BBX: variants seen among roughly 807,000 people sequenced by gnomAD.
BBX encodes the protein HMG box transcription factor BBX.
A neutral mutation model predicts 100.2 loss-of-function variants in BBX; 30 were observed. The ratio of observed to expected loss-of-function variants is 0.30; its 90% CI spans 0.22 to 0.41. BBX has a LOEUF of 0.41. Ranked by LOEUF, BBX falls within the 10% of genes least tolerant of loss-of-function variation. BBX has a pLI of 1.00. For synonymous variants in BBX, 376 were observed against 388.1 expected, an observed-to-expected ratio of 0.97 and a Z score of 0.37; for missense variants, 1,023 against 1,129.8, an observed-to-expected ratio of 0.91 and a Z score of 1.35.
At chr3:107,570,146 C>T (rs533192377) in intron 2 of BBX, among the ~76,000 whole-genome samples, 9 of 152,266 alleles carry the variant, frequency 5.9e-5, no homozygotes, top group African/African-American at 1.9e-4. Flanking sequence ...CTGGCTGCTG[C>T]GGTTCAGGCG....
intron 2 of BBX, among the ~76,000 whole-genome samples, chr3:107,565,658 T>TG (rs1346394263): frequency 1.7e-4 from 26 of 151,390 alleles, no homozygotes; most frequent in African/African-American, 5.3e-4. Context: ...TTAGTAGAGA[T>TG]GGGGTTTCAC....
intron 3 of BBX, among the ~76,000 whole-genome samples, chr3:107,661,627 A>G (rs977324682): frequency 1.3e-5 from 2 of 152,186 alleles, no homozygotes; most frequent in Non-Finnish European, 2.9e-5. Flanking sequence ...AGAACCAGAA[A>G]TGTGGTTTCA....
chr3:107,763,027 C>T (rs1365750737), intron 10 of BBX, among the ~76,000 whole-genome samples: 1 of 151,484 alleles, frequency 6.6e-6, no homozygotes, highest in Non-Finnish European at 1.5e-5. Flanking sequence ...TATTTATATA[C>T]AGTGTATATG....
intron 2 of BBX, among the ~76,000 whole-genome samples, chr3:107,640,035 T>C (rs985223293): frequency 4.6e-5 from 7 of 152,212 alleles, no homozygotes; most frequent in Admixed American, 1.3e-4. Context: ...TGAGCACTTA[T>C]TGTATAGCAA....
intron 3 of BBX, among the ~76,000 whole-genome samples, chr3:107,692,466 T>C (rs867568168): frequency 1.3e-5 from 2 of 152,014 alleles, no homozygotes; most frequent in South Asian, 2.1e-4. Flanking sequence ...GTCCTTGCAA[T>C]AGTTTGCTAA....
intron 2 of BBX, among the ~76,000 whole-genome samples, chr3:107,590,614 T>A (rs1244133527): frequency 6.6e-6 from 1 of 152,202 alleles, no homozygotes; most frequent in Non-Finnish European, 1.5e-5. Flanking sequence ...TACACATCTA[T>A]CTTACATTCG....
At chr3:107,589,611 A>G (rs1228827175) in intron 2 of BBX, among the ~76,000 whole-genome samples, 1 of 152,214 alleles carries the variant, frequency 6.6e-6, no homozygotes, top group Non-Finnish European at 1.5e-5. Flanking sequence ...GAAGCATGAA[A>G]GCCCAAGTCT....
chr3:107,719,225 T>C (rs1384776969), intron 5 of BBX, among the ~76,000 whole-genome samples: 3 of 152,070 alleles, frequency 2.0e-5, no homozygotes, highest in Non-Finnish European at 4.4e-5. Flanking sequence ...GTTTAAATTT[T>C]AAACCTCAAA....
chr3:107,595,578 G>A (rs1452583240), intron 2 of BBX, among the ~76,000 whole-genome samples: 2 of 152,196 alleles, frequency 1.3e-5, no homozygotes, highest in Non-Finnish European at 2.9e-5. Context: ...TTGGGAAGGA[G>A]ATGGATTTGA....
intron 2 of BBX, among the ~76,000 whole-genome samples, chr3:107,620,943 T>C (rs660045): frequency 8.8e-6 from 1 of 114,210 alleles, no homozygotes; most frequent in Non-Finnish European, 1.7e-5. Context: ...AGTGTGTGTG[T>C]GGGGGGGTGG....
intron 3 of BBX, among the ~76,000 whole-genome samples, chr3:107,697,798 C>G (rs891549825): frequency 2.0e-5 from 3 of 151,976 alleles, no homozygotes; most frequent in Admixed American, 6.5e-5. Flanking sequence ...CCCCCAGCCT[C>G]GCTGCCACCT....
intron 10 of BBX, among the ~76,000 whole-genome samples, chr3:107,769,888 T>C (rs1375284446): frequency 6.6e-6 from 1 of 152,104 alleles, no homozygotes; most frequent in Non-Finnish European, 1.5e-5. Context: ...GAGAGTCTGA[T>C]TGGGTTTTCG....
chr3:107,753,063 A>G (rs1480709722), intron 9 of BBX, among the ~76,000 whole-genome samples: 4 of 152,162 alleles, frequency 2.6e-5, no homozygotes, highest in African/African-American at 9.7e-5. Flanking sequence ...CTGAGGAAAA[A>G]CATTGAAGGG....
At chr3:107,538,022 G>T (rs770352286) in intron 2 of BBX, among the ~76,000 whole-genome samples, 16 of 152,168 alleles carry the variant, frequency 1.1e-4, no homozygotes, top group Non-Finnish European at 1.9e-4. Context: ...TCCATTCTTT[G>T]TCTTGGGGCT....
chr3:107,755,148 C>T (rs2065376597), intron 9 of BBX, among the ~76,000 whole-genome samples: 1 of 152,164 alleles, frequency 6.6e-6, no homozygotes, highest in African/African-American at 2.4e-5. Flanking sequence ...TGGCCTTGCA[C>T]ATATATATTG....
intron 2 of BBX, among the ~76,000 whole-genome samples, chr3:107,620,452 A>G (rs2055657691): frequency 6.6e-6 from 1 of 152,224 alleles, no homozygotes; most frequent in African/African-American, 2.4e-5. Context: ...GTGACTTTCC[A>G]TTGAAACCTA....
chr3:107,685,317 G>A (rs1318699590), intron 3 of BBX, among the ~76,000 whole-genome samples: 2 of 152,128 alleles, frequency 1.3e-5, no homozygotes, highest in Middle Eastern at 3.2e-3. Flanking sequence ...TTAACTTGAG[G>A]GTGTTTAATC....
intron 3 of BBX, among the ~76,000 whole-genome samples, chr3:107,649,854 C>A (rs529470041): frequency 8.5e-5 from 13 of 152,232 alleles, no homozygotes; most frequent in Admixed American, 6.5e-4. Context: ...GAATTTGCTT[C>A]TTGCCACTGG....
intron 2 of BBX, among the ~76,000 whole-genome samples, chr3:107,631,541 G>GT (rs2056548103): frequency 8.3e-6 from 1 of 121,196 alleles, no homozygotes; most frequent in Admixed American, 8.5e-5. Context: ...CTTAGAATTA[G>GT]TTAAAAAAAA....
Sources: gnomAD v4.1 joint callset for allele counts (sites outside exome capture counted in the v4.1 genomes callset) on GRCh38, gnomAD v4.1.1 for gene constraint, MANE v1.5 for transcripts, NCBI Gene and HGNC (gene_info 2026-07-23, HGNC 2026-07-21) for gene names.